Variants in CCSER1 observed in about 807,000 individuals in gnomAD.
The protein encoded by CCSER1 is serine-rich coiled-coil domain-containing protein 1.
In CCSER1, 41 loss-of-function variants were observed where a neutral mutation model predicts 82.0. The ratio of observed to expected loss-of-function variants is 0.50; its 90% CI spans 0.39 to 0.65. CCSER1 has a LOEUF of 0.65. Ranked by LOEUF, CCSER1 falls within the 30% of genes least tolerant of loss-of-function variation. The pLI is 0.00. For synonymous variants in CCSER1, 414 were observed against 383.9 expected, an observed-to-expected ratio of 1.08 and a Z score of -0.92; for missense variants, 1,119 against 1,064.2, an observed-to-expected ratio of 1.05 and a Z score of -0.72.
chr4:91,315,361 T>A (rs1048071070), intron 10 of CCSER1, among the ~76,000 whole-genome samples: 1 of 151,940 alleles, frequency 6.6e-6, no homozygotes, highest in Non-Finnish European at 1.5e-5. Flanking sequence ...TTGTAATATG[T>A]TATGAACTTC....
At chr4:90,767,502 G>T (rs1369041633) in intron 7 of CCSER1, among the ~76,000 whole-genome samples, 1 of 151,984 alleles carries the variant, frequency 6.6e-6, no homozygotes, top group Non-Finnish European at 1.5e-5. Context: ...TAATTGCTCT[G>T]GCCTTGTGAA....
At chr4:90,270,912 A>G (rs984150911) in intron 1 of CCSER1, among the ~76,000 whole-genome samples, 6 of 152,160 alleles carry the variant, frequency 3.9e-5, no homozygotes, top group African/African-American at 1.4e-4. Flanking sequence ...AAAATTAAAT[A>G]CTTAGGAATT....
chr4:90,658,066 G>A (rs112490816), intron 6 of CCSER1, among the ~76,000 whole-genome samples: 65 of 152,150 alleles, frequency 4.3e-4, no homozygotes, highest in African/African-American at 1.4e-3. Context: ...GTCATACCAC[G>A]GCACTCCAGC....
intron 10 of CCSER1, among the ~76,000 whole-genome samples, chr4:91,503,009 A>T (rs1313321294): frequency 6.6e-6 from 1 of 152,168 alleles, no homozygotes; most frequent in Non-Finnish European, 1.5e-5. Flanking sequence ...CACTAAAAAA[A>T]ATTTTACTTT....
At chr4:90,878,481 C>G (rs906917634) in intron 8 of CCSER1, among the ~76,000 whole-genome samples, 4 of 152,142 alleles carry the variant, frequency 2.6e-5, no homozygotes, top group African/African-American at 9.7e-5. Context: ...TTCACTTCCC[C>G]TGTTCTACTC....
intron 1 of CCSER1, among the ~76,000 whole-genome samples, chr4:90,211,824 T>C (rs1740064590): frequency 6.6e-6 from 1 of 152,188 alleles, no homozygotes; most frequent in African/African-American, 2.4e-5. Flanking sequence ...GTTTTTTGCT[T>C]TTTTTTCCTC....
intron 1 of CCSER1, among the ~76,000 whole-genome samples, chr4:90,216,952 A>C (rs138173142): frequency 1.1e-4 from 16 of 152,164 alleles, no homozygotes; most frequent in African/African-American, 3.1e-4. Context: ...GTCATCTGTG[A>C]TTTCTTTTAG....
At chr4:91,015,591 T>G (rs1366223136) in intron 9 of CCSER1, 1 of 151,890 alleles carries the variant, frequency 6.6e-6, no homozygotes, top group Admixed American at 6.6e-5. Context: ...TATAGTTGCT[T>G]TATTATTATG....
intron 10 of CCSER1, among the ~76,000 whole-genome samples, chr4:91,298,949 C>T (rs897154602): frequency 6.6e-5 from 10 of 151,908 alleles, no homozygotes; most frequent in African/African-American, 2.4e-4. Context: ...GCAGCAGCAC[C>T]AGCAGCAGCA....
chr4:90,650,626 C>G (rs1040114), intron 6 of CCSER1, among the ~76,000 whole-genome samples: 78,091 of 152,032 alleles, frequency 0.51, 20,296 homozygotes, highest in Middle Eastern at 0.67. Flanking sequence ...CCACTTTACA[C>G]TCAGCATGCT....
rs1045084190 is a variant in CCSER1 at position 90,260,545 on chromosome 4, G to C, written c.-41-47699G>C. ...TTTTTTTTACTAGTGTTGCCTTAAAGTCTGTTTTGTCTGACATAAGAATAG... is the reference window on the plus strand; with the variant it reads ...TTTTTTTTACTAGTGTTGCCTTAAACTCTGTTTTGTCTGACATAAGAATAG... On this transcript the variant is annotated intron_variant, in intron 1 of 10. Transcript: ENST00000509176. 2.0e-5 allele frequency among the ~76,000 whole-genome samples: 3 copies of C among 152,050 alleles called. No individual in the cohort carries two copies. In the East Asian group the frequency reaches 5.8e-4, roughly 29 times the overall value.
At chr4:90,233,045 C>T (rs1744947178) in intron 1 of CCSER1, among the ~76,000 whole-genome samples, 1 of 151,942 alleles carries the variant, frequency 6.6e-6, no homozygotes, top group Non-Finnish European at 1.5e-5. Context: ...GCTAGTTCAA[C>T]CATTGTGGAA....
intron 5 of CCSER1, among the ~76,000 whole-genome samples, chr4:90,576,583 C>CT (rs1416642552): frequency 6.6e-6 from 1 of 152,100 alleles, no homozygotes; most frequent in Non-Finnish European, 1.5e-5. Flanking sequence ...CATAGTTTCG[C>CT]TTTTTCCAGA....
chr4:91,162,877 A>G lies in CCSER1; in HGVS notation c.2217+76883A>G, dbSNP rs1038511242. Among the ~76,000 whole-genome samples, 4 of 152,148 alleles carry G rather than the reference A, an allele frequency of 2.6e-5. No individual in the cohort carries two copies. The East Asian group carries it at 7.7e-4, about 29-fold the overall frequency. On this transcript the variant is annotated intron_variant, in intron 10 of 10. Coordinates refer to ENST00000509176, the MANE Select transcript of CCSER1 (RefSeq NM_001145065.2). ...TCAATTTTGTTGATCTTTTCAAAAA[A>G]CCAGCTCCTGGATTCATTGATTTTT...
At chr4:90,870,410 T>C (rs1328958680) in intron 8 of CCSER1, among the ~76,000 whole-genome samples, 2 of 151,930 alleles carry the variant, frequency 1.3e-5, no homozygotes, top group Non-Finnish European at 2.9e-5. Context: ...TGAAATAATA[T>C]TGAGTTTTAT....
intron 3 of CCSER1, among the ~76,000 whole-genome samples, chr4:90,348,666 A>G (rs1742864053): frequency 6.6e-6 from 1 of 152,168 alleles, no homozygotes; most frequent in Non-Finnish European, 1.5e-5. Flanking sequence ...CACTGATTAA[A>G]TGAAAGGAGT....
chr4:91,418,937 A>AACAT (rs949194470), intron 10 of CCSER1, among the ~76,000 whole-genome samples: 18 of 152,114 alleles, frequency 1.2e-4, no homozygotes, highest in African/African-American at 4.3e-4. Context: ...AGTATGGTTC[A>AACAT]ACATACACAA....
chr4:91,547,413 A>G (rs189325634), intron 10 of CCSER1, among the ~76,000 whole-genome samples: 1 of 152,214 alleles, frequency 6.6e-6, no homozygotes, highest in Admixed American at 6.5e-5. Flanking sequence ...GGATTGTTAC[A>G]TTTTCTTGGA....
chr4:90,329,969 T>G (rs1738978460), intron 3 of CCSER1, among the ~76,000 whole-genome samples: 1 of 152,144 alleles, frequency 6.6e-6, no homozygotes, highest in Non-Finnish European at 1.5e-5. Flanking sequence ...TGTCAAATTT[T>G]AAGGTAATGC....
Sources: allele counts gnomAD v4.1 joint callset (sites outside exome capture counted in the v4.1 genomes callset), GRCh38; gene constraint gnomAD v4.1.1; transcripts MANE v1.5; gene names NCBI Gene and HGNC (gene_info 2026-07-23, HGNC 2026-07-21).